PSG3: variants seen among roughly 807,000 people sequenced by gnomAD.
PSG3 encodes the protein pregnancy specific beta-1-glycoprotein 3, also known as pregnancy-specific beta-1-glycoprotein 3.
Under a neutral mutation model 47.5 loss-of-function variants are expected in PSG3, and 61 were observed. The observed-to-expected ratio is 1.28, with a 90% CI of 1.05 to 1.59. The LOEUF (loss-of-function observed/expected upper bound fraction) is 1.59. Among genes scored for constraint, PSG3 ranks in the 40% most tolerant of loss-of-function variants. The pLI is 0.00. For missense variants in PSG3, 756 were observed against 524.0 expected (o/e 1.44, Z -4.32); for synonymous variants, 263 against 198.4 (o/e 1.33, Z -2.74).
rs749430865 is a variant in PSG3, at chr19:42,730,089, G to T, written c.710-33C>A. On this transcript the variant is annotated intron_variant, in intron 3 of 6. Transcript: ENST00000327495. ...GATAACAGAGAGAAGATTGTCCTGT[G>T]TGGCACCTTTGATTCCTCCACTGGC... is the stretch of plus-strand genomic sequence containing the variant. The T allele has an allele frequency of 3.1e-6, 5 of 1,604,098 alleles. No homozygotes were observed. The Admixed American group carries it at 8.4e-5, about 27-fold the overall frequency.
At chr19:42,724,099 T>G in intron 5 of PSG3, 74 bp from the exon 6 acceptor site, 4 of 1,520,520 alleles carry the variant, frequency 2.6e-6, no homozygotes, top group Non-Finnish European at 3.6e-6. Flanking sequence ...GGAACAAGCA[T>G]GTAACATGAG....
chr19:42,732,954 C>A lies in PSG3; in HGVS notation c.539G>T (p.Trp180Leu), dbSNP rs148948386. 1 of 1,614,014 alleles carries A rather than the reference C, an allele frequency of 6.2e-7. No homozygotes were observed. The highest frequency in any genetic ancestry group is 1.3e-5 in the African/African-American group (1 of 74,898). ...AGGGAGGCTCTGACCATTCATCCAC[C>A]ACAGGTAGCTTGCGTCCGGAGTCTC... The part of the protein sequence containing the change: ...DPETPDASYL[W>L]WMNGQSLPMT... Residue 180 changes from tryptophan (W) to leucine (L), a missense_variant, in exon 3 of 7, where the codon TGG becomes TTG. Coordinates refer to ENST00000327495, the MANE Select transcript of PSG3 (RefSeq NM_021016.4).
chr19:42,735,528 A>G (rs1167810387), intron 2 of PSG3, among the ~76,000 whole-genome samples: 1 of 152,050 alleles, frequency 6.6e-6, no homozygotes. Flanking sequence ...CACCACGTCC[A>G]GCTAATTTTT....
Position 42,729,245 on chromosome 19 carries a change from A to T in PSG3, c.1121T>A (p.Leu374Gln), listed in dbSNP as rs141810038. ...YSWTINGKFQ[L>Q]SGQKLFIPQI... ...GGGGATAAAGAGCTTTTGTCCTGATAGCTGAAACTTCCCATTAATTGTCCA... is the reference window on the plus strand; with the variant it reads ...GGGGATAAAGAGCTTTTGTCCTGATTGCTGAAACTTCCCATTAATTGTCCA... The change falls in exon 5 of 7, where the codon CTA (leucine) becomes CAA (glutamine). Residue 374 changes from leucine (L) to glutamine (Q), a missense_variant. Coordinates refer to ENST00000327495, the MANE Select transcript of PSG3 (RefSeq NM_021016.4). 0.024 allele frequency: 38,153 copies of T among 1,614,058 alleles called. 578 individuals are homozygous for T. The highest frequency in any genetic ancestry group is 0.027 in the Non-Finnish European group (32,294 of 1,179,922).
intron 4 of PSG3, 49 bp from the exon 5 acceptor site, chr19:42,729,426 G>A (rs775315840): frequency 4.4e-6 from 7 of 1,577,172 alleles, no homozygotes; most frequent in African/African-American, 4.0e-5. Flanking sequence ...GAGGGAAGGG[G>A]ATGCTCCTGG....
chr19:42,725,406 A>G lies in PSG3; in HGVS notation c.1244-1381T>C, dbSNP rs191823866. Among the ~76,000 whole-genome samples the G allele has an allele frequency of 2.2e-4, 33 of 152,336 alleles. No homozygotes were observed. In the East Asian group the frequency reaches 6.2e-3, roughly 28 times the overall value. ...CAAGCACAGTGAATGAGGGAAAAAT[A>G]AGGATTAGAGTGGATATAAATAAAA... On this transcript the variant is annotated intron_variant, in intron 5 of 6. Transcript: ENST00000327495.
chr19:42,738,782 G>C lies in PSG3; in HGVS notation c.372C>G (p.Ile124Met), dbSNP rs773305401. Residue 124 changes from isoleucine to methionine, a missense_variant, in exon 2 of 7, where the codon ATC becomes ATG. Physicochemically the swap from Ile to Met is conservative, Grantham distance 10. Coordinates refer to ENST00000327495, the MANE Select transcript of PSG3 (RefSeq NM_021016.4). ...CTCTAGTCCCATCACCTCGCTTTAC[G>C]ATGTGTAAGGTGTAGGATCCTGCGT... Reference protein sequence around the residue: ...REDAGSYTLHIVKRGDGTRGE... With the variant: ...REDAGSYTLHMVKRGDGTRGE... 6.2e-7 allele frequency: 1 copy of C among 1,613,946 alleles called. No homozygotes were observed. The highest frequency in any genetic ancestry group is 8.5e-7 in the Non-Finnish European group (1 of 1,179,980).
At chr19:42,723,097 C>T (rs143075373) in intron 6 of PSG3, among the ~76,000 whole-genome samples, 2,450 of 152,250 alleles carry the variant, frequency 0.016, 32 homozygotes, top group African/African-American at 0.027. Flanking sequence ...GGCTTTATGT[C>T]TCCTGGCGTA....
At chr19:42,727,773 C>T (rs1969400078) in intron 5 of PSG3, among the ~76,000 whole-genome samples, 1 of 152,158 alleles carries the variant, frequency 6.6e-6, no homozygotes, top group South Asian at 2.1e-4. Flanking sequence ...CACTTCTGGA[C>T]ATAATCCCCA....
intron 2 of PSG3, among the ~76,000 whole-genome samples, chr19:42,736,548 T>A (rs1969565914): frequency 6.6e-6 from 1 of 151,868 alleles, no homozygotes; most frequent in African/African-American, 2.4e-5. Flanking sequence ...ACCTCCATCC[T>A]CCTGTTTGGC....
chr19:42,734,954 A>G (rs959192317), intron 2 of PSG3, among the ~76,000 whole-genome samples: 2 of 152,166 alleles, frequency 1.3e-5, no homozygotes, highest in African/African-American at 2.4e-5. Flanking sequence ...TGTGAATTAG[A>G]AAGAGTCTAA....
chr19:42,732,686 T>A (rs1426394134), intron 3 of PSG3, 98 bp downstream of exon 3: 2 of 1,613,420 alleles, frequency 1.2e-6, no homozygotes, highest in East Asian at 2.2e-5. Context: ...GGGGTAAAGG[T>A]CTCTGTACTT....
At chr19:42,730,154 A>G in intron 3 of PSG3, 98 bp from the exon 4 acceptor site, 1 of 1,553,148 alleles carries the variant, frequency 6.4e-7, no homozygotes, top group Non-Finnish European at 8.7e-7. Context: ...CTCTCAGCCC[A>G]CCCGAGTCCT....
At chr19:42,725,264 A>G (rs944137647) in intron 5 of PSG3, among the ~76,000 whole-genome samples, 18 of 152,192 alleles carry the variant, frequency 1.2e-4, no homozygotes, top group African/African-American at 2.7e-4. Flanking sequence ...GTTCAGAGAA[A>G]TTGAGTCTTG....
chr19:42,737,184 A>G, intron 2 of PSG3, among the ~76,000 whole-genome samples: 1 of 152,130 alleles, frequency 6.6e-6, no homozygotes, highest in Non-Finnish European at 1.5e-5. Context: ...CTTCAGAGTT[A>G]CATGAGGTGG....
chr19:42,726,312 TA>T (rs1012329685), intron 5 of PSG3, among the ~76,000 whole-genome samples: 6 of 151,014 alleles, frequency 4.0e-5, no homozygotes, highest in African/African-American at 1.5e-4. Flanking sequence ...GGCAAGAATT[TA>T]AAAAAAGACG....
chr19:42,739,837 C>T (rs1204628454), intron 1 of PSG3, among the ~76,000 whole-genome samples: 3 of 152,350 alleles, frequency 2.0e-5, no homozygotes, highest in African/African-American at 7.2e-5. Context: ...GATTTTCCTA[C>T]CTCTTACCAA....
intron 5 of PSG3, among the ~76,000 whole-genome samples, chr19:42,724,707 G>A (rs375170812): frequency 6.6e-6 from 1 of 151,762 alleles, no homozygotes; most frequent in African/African-American, 2.4e-5. Flanking sequence ...TCCCTCACAG[G>A]TGTCTTCCCT....
chr19:42,730,883 C>A (rs149293707), intron 3 of PSG3, among the ~76,000 whole-genome samples: 1 of 152,212 alleles, frequency 6.6e-6, no homozygotes, highest in African/African-American at 2.4e-5. Flanking sequence ...AAATGCAGCA[C>A]TGACTGGTGG....
Sources: allele counts gnomAD v4.1 joint callset (sites outside exome capture counted in the v4.1 genomes callset), GRCh38; gene constraint gnomAD v4.1.1; transcripts MANE v1.5; gene names NCBI Gene and HGNC (gene_info 2026-07-23, HGNC 2026-07-21).